AHCY: variants seen among roughly 807,000 people sequenced by gnomAD.
AHCY encodes adenosylhomocysteinase.
Under a neutral mutation model 45.4 loss-of-function variants are expected in AHCY, and 24 were observed. The ratio of observed to expected loss-of-function variants is 0.53; its 90% CI spans 0.38 to 0.74. The LOEUF (loss-of-function observed/expected upper bound fraction) is 0.74. Ranked by LOEUF, AHCY falls within the 30% of genes least tolerant of loss-of-function variation. The probability of loss-of-function intolerance (pLI) is 0.00; values close to 1 mark genes in which losing one functional copy is unlikely to be tolerated. For missense variants in AHCY, 449 were observed against 594.1 expected, an observed-to-expected ratio of 0.76 and a Z score of 2.54; for synonymous variants, 245 against 235.1, an observed-to-expected ratio of 1.04 and a Z score of -0.39.
intron 1 of AHCY, among the ~76,000 whole-genome samples, chr20:34,300,349 A>C (rs1470729230): frequency 6.6e-6 from 1 of 152,160 alleles, no homozygotes; most frequent in African/African-American, 2.4e-5. Flanking sequence ...ACTAAAGTAA[A>C]CAAAACTAAA....
the AHCY span, among the ~76,000 whole-genome samples, chr20:34,274,265 G>A: frequency 1.3e-4 from 20 of 152,132 alleles, no homozygotes; most frequent in Admixed American, 4.6e-4. Context: ...TCAAATTAAC[G>A]TCTTGACCTA....
the AHCY span, among the ~76,000 whole-genome samples, chr20:34,264,070 C>A: frequency 2.0e-5 from 3 of 152,042 alleles, no homozygotes; most frequent in Non-Finnish European, 4.4e-5. Flanking sequence ...AAAAGTATGT[C>A]ATTAATGCAT....
downstream of AHCY, among the ~76,000 whole-genome samples, chr20:34,275,805 T>C (rs774912621): frequency 4.6e-5 from 7 of 151,798 alleles, no homozygotes; most frequent in Admixed American, 1.3e-4. Flanking sequence ...GCCTCCTGAG[T>C]AGCTGGGATT....
intron 4 of AHCY, 64 bp downstream of exon 4, chr20:34,292,294 C>G: frequency 4.4e-6 from 7 of 1,575,884 alleles, no homozygotes; most frequent in African/African-American, 2.7e-5. Flanking sequence ...CTGCGGCCAT[C>G]ATGTGGGCAA....
At chr20:34,272,343 TC>T in the AHCY span, among the ~76,000 whole-genome samples, 2 of 152,086 alleles carry the variant, frequency 1.3e-5, no homozygotes, top group Admixed American at 1.3e-4. Context: ...AGAGGGGATT[TC>T]CCCCCACCAG....
upstream of AHCY, among the ~76,000 whole-genome samples, chr20:34,303,613 C>A (rs755308353): frequency 1.3e-5 from 2 of 152,224 alleles, no homozygotes; most frequent in Admixed American, 1.3e-4. Context: ...CCCAGCGGAA[C>A]TGAAATTCCG....
At chr20:34,269,737 G>A in the AHCY span, among the ~76,000 whole-genome samples, 2 of 151,862 alleles carry the variant, frequency 1.3e-5, no homozygotes, top group African/African-American at 2.4e-5. Flanking sequence ...CTGAGGTCTG[G>A]AGATCGAGAC....
chr20:34,268,919 G>A, the AHCY span: 2 of 1,528,166 alleles, frequency 1.3e-6, no homozygotes, highest in Non-Finnish European at 1.8e-6. Flanking sequence ...AGCCCGAGGA[G>A]CTCCCAGGCA....
At position 34,280,704 on chromosome 20, in the gene AHCY, G is replaced by C; in HGVS notation, c.*330C>G. On this transcript the variant is annotated 3_prime_UTR_variant, in exon 10 of 10. Coordinates refer to ENST00000217426, the MANE Select transcript of AHCY (RefSeq NM_000687.4). ...CACAGACCAGGTGAAGGCCTAGATGGCAAAACACATGGGCTTTGTGACTCC... is the reference window on the plus strand; with the variant it reads ...CACAGACCAGGTGAAGGCCTAGATGCCAAAACACATGGGCTTTGTGACTCC... 2.5e-6 allele frequency: 1 copy of C among 398,356 alleles called. No homozygotes were observed. Among genetic ancestry groups the C allele is most frequent in the Non-Finnish European group, 4.8e-6 (1 of 209,250 alleles). The allele number at this position is 398,356 out of a possible 1,614,324, so 24.7% of individuals were successfully genotyped here.
At chr20:34,276,822 T>C (rs544990960), downstream of AHCY, among the ~76,000 whole-genome samples, 1 of 152,218 alleles carries the variant, frequency 6.6e-6, no homozygotes, top group African/African-American at 2.4e-5. Flanking sequence ...GCAACCAACC[T>C]GGAACTGATC....
chr20:34,306,203 T>C (rs778528274), upstream of AHCY, among the ~76,000 whole-genome samples: 10 of 152,086 alleles, frequency 6.6e-5, no homozygotes, highest in Non-Finnish European at 1.5e-4. Flanking sequence ...AGATATTTGC[T>C]AATATTTGTA....
At chr20:34,257,325 T>C in the AHCY span, among the ~76,000 whole-genome samples, 3 of 152,186 alleles carry the variant, frequency 2.0e-5, no homozygotes, top group Middle Eastern at 3.4e-3. Flanking sequence ...CCCCAAGTGA[T>C]CCATTCGCTT....
chr20:34,281,287 T>A, intron 9 of AHCY, 122 bp from the exon 10 acceptor site: 1 of 1,431,252 alleles, frequency 7.0e-7, no homozygotes, highest in Non-Finnish European at 9.6e-7. Flanking sequence ...GTACTCATGT[T>A]AACTCTTTCT....
intron 1 of AHCY, among the ~76,000 whole-genome samples, chr20:34,300,833 A>C (rs1344370967): frequency 1.3e-5 from 2 of 152,188 alleles, no homozygotes; most frequent in Non-Finnish European, 2.9e-5. Flanking sequence ...GAGAGAGACC[A>C]GACTGGGGTG....
At chr20:34,276,004 T>C (rs181088042), downstream of AHCY, among the ~76,000 whole-genome samples, 1 of 152,228 alleles carries the variant, frequency 6.6e-6, no homozygotes, top group Admixed American at 6.5e-5. Context: ...GTTGGCTTCA[T>C]CCTAAGGCAA....
chr20:34,243,937 C>T, the AHCY span, among the ~76,000 whole-genome samples: 39 of 152,106 alleles, frequency 2.6e-4, no homozygotes, highest in East Asian at 5.4e-3. Context: ...TGGTGGCGGG[C>T]GCCTGTAGTC....
At position 34,280,610 on chromosome 20, in the gene AHCY, T is replaced by C. The variant is rs2035968307; in HGVS notation, c.*424A>G. 1 of 277,874 alleles carries C rather than the reference T, an allele frequency of 3.6e-6. No homozygotes were observed. The highest frequency in any genetic ancestry group is 7.1e-6 in the Non-Finnish European group (1 of 141,590). 17.2% of individuals were successfully genotyped at this position (277,874 alleles called of 1,614,324 possible). Reference sequence around the variant, plus strand: ...AACAGTTCCTCTTTGCCCTTCAATATAGCCCCTTCTCATCTGTCATGGGCT... The same window carrying C: ...AACAGTTCCTCTTTGCCCTTCAATACAGCCCCTTCTCATCTGTCATGGGCT... On this transcript the variant is annotated 3_prime_UTR_variant, in exon 10 of 10. Coordinates refer to ENST00000217426, the MANE Select transcript of AHCY (RefSeq NM_000687.4).
intron 8 of AHCY, among the ~76,000 whole-genome samples, chr20:34,287,778 G>A (rs751006509): frequency 1.3e-5 from 2 of 152,212 alleles, no homozygotes; most frequent in Non-Finnish European, 2.9e-5. Flanking sequence ...TGTCTGGACA[G>A]ATGAGCAGAA....
the AHCY span, among the ~76,000 whole-genome samples, chr20:34,239,093 T>C: frequency 6.6e-6 from 1 of 152,190 alleles, no homozygotes; most frequent in Non-Finnish European, 1.5e-5. Flanking sequence ...GCCAAGTCTT[T>C]CTCTAGAAAC....
Sources: gnomAD v4.1 joint callset for allele counts (sites outside exome capture counted in the v4.1 genomes callset) on GRCh38, gnomAD v4.1.1 for gene constraint, MANE v1.5 for transcripts, NCBI Gene and HGNC (gene_info 2026-07-23, HGNC 2026-07-21) for gene names.